GUCY1A2: variants seen among roughly 807,000 people sequenced by gnomAD.
GUCY1A2 encodes the protein guanylate cyclase 1 soluble subunit alpha 2.
GUCY1A2 carries 27 observed loss-of-function variants against 63.5 expected under a neutral mutation model. The ratio of observed to expected loss-of-function variants is 0.43; its 90% confidence interval spans 0.31 to 0.59. GUCY1A2 has a LOEUF of 0.59. Ranked by LOEUF, GUCY1A2 falls within the 20% of genes least tolerant of loss-of-function variation. The pLI, the probability that GUCY1A2 is intolerant of heterozygous loss-of-function variation, is 0.11. For synonymous variants in GUCY1A2, 364 were observed against 343.5 expected (o/e 1.06, Z -0.66); for missense variants, 768 against 913.3 (o/e 0.84, Z 2.05).
At chr11:106,914,621 GAAAT>G (rs1565330133) in intron 4 of GUCY1A2, among the ~76,000 whole-genome samples, 1 of 149,902 alleles carries the variant, frequency 6.7e-6, no homozygotes, top group African/African-American at 2.4e-5. Flanking sequence ...TAATCACAAG[GAAAT>G]AATTACAAGG....
chr11:106,953,161 G>C lies in GUCY1A2; in HGVS notation c.488-12983C>G, dbSNP rs186466522. On this transcript the variant is annotated intron_variant, in intron 3 of 7. Transcript: ENST00000526355. ...GCCCATTCCATATGATATTGGCTGT[G>C]GGTTTGTCATAAATAGCTCTTATTT... Among the ~76,000 whole-genome samples, 97 of 152,230 alleles carry C rather than the reference G, an allele frequency of 6.4e-4. No individual in the cohort carries two copies. The East Asian group carries it at 0.018, about 28-fold the overall frequency.
chr11:107,009,811 C>T (rs967349560), intron 1 of GUCY1A2, among the ~76,000 whole-genome samples: 1 of 152,192 alleles, frequency 6.6e-6, no homozygotes, highest in Non-Finnish European at 1.5e-5. Flanking sequence ...GATCATTCTT[C>T]CCAAAAATCA....
At chr11:106,794,213 C>A (rs7108333) in intron 5 of GUCY1A2, among the ~76,000 whole-genome samples, 48,521 of 151,738 alleles carry the variant, frequency 0.32, 7,948 homozygotes, top group Admixed American at 0.4. Flanking sequence ...ATCTGGAGGA[C>A]ATTAAGCTAA....
At chr11:106,898,790 C>A (rs1325906864) in intron 4 of GUCY1A2, among the ~76,000 whole-genome samples, 3 of 152,126 alleles carry the variant, frequency 2.0e-5, no homozygotes, top group African/African-American at 7.2e-5. Flanking sequence ...TGTCATTATA[C>A]ATTTATCCAA....
intron 5 of GUCY1A2, among the ~76,000 whole-genome samples, chr11:106,792,379 C>A (rs2135413028): frequency 1.1e-5 from 1 of 93,124 alleles, no homozygotes; most frequent in South Asian, 4.3e-4. Context: ...GAGTGAGACT[C>A]CATCTCAAAA....
At chr11:106,945,134 A>C (rs1860809087) in intron 3 of GUCY1A2, among the ~76,000 whole-genome samples, 1 of 151,668 alleles carries the variant, frequency 6.6e-6, no homozygotes, top group African/African-American at 2.4e-5. Flanking sequence ...ACCCCTAAGA[A>C]TATCTGGTTG....
chr11:106,806,302 A>G (rs991931189), intron 5 of GUCY1A2, among the ~76,000 whole-genome samples: 1 of 152,144 alleles, frequency 6.6e-6, no homozygotes, highest in Non-Finnish European at 1.5e-5. Context: ...TGGGGTATAG[A>G]ACTGGAGAAA....
chr11:106,899,420 A>G (rs1231996340), intron 4 of GUCY1A2, among the ~76,000 whole-genome samples: 2 of 152,222 alleles, frequency 1.3e-5, no homozygotes, highest in Admixed American at 6.5e-5. Flanking sequence ...TAGCAGCTCA[A>G]AGCATGCTGT....
At chr11:106,901,960 G>T (rs1388889289) in intron 4 of GUCY1A2, among the ~76,000 whole-genome samples, 1 of 152,046 alleles carries the variant, frequency 6.6e-6, no homozygotes, top group Non-Finnish European at 1.5e-5. Context: ...ATTTATTGCG[G>T]CTTTATTCCA....
At chr11:106,992,518 G>C (rs1033857294) in intron 1 of GUCY1A2, among the ~76,000 whole-genome samples, 1 of 151,734 alleles carries the variant, frequency 6.6e-6, no homozygotes, top group Non-Finnish European at 1.5e-5. Flanking sequence ...TTTTAGTACA[G>C]ACGGGGTTTC....
Position 106,725,152 on chromosome 11 carries a change from C to CTTTTTTTTTTTTTTT in GUCY1A2, c.1837-16501_1837-16487dup, listed in dbSNP as rs773251118. 1.3e-4 allele frequency among the ~76,000 whole-genome samples: 3 copies of CTTTTTTTTTTTTTTT among 22,998 alleles called. 1 individual carries two copies. Among genetic ancestry groups the CTTTTTTTTTTTTTTT allele is most frequent in the African/African-American group, 5.3e-4 (3 of 5,692 alleles). 15.1% of individuals were successfully genotyped at this position (22,998 alleles called of 152,430 possible). A position where few individuals can be genotyped will look rare whatever the true frequency, so the allele number is the denominator to read the frequency against. ...ATGTATCTTCTTATTGACATAAATTCTTTTTTTTTTTTTTTTTTTTTTTTT... is the reference window on the plus strand; with the variant it reads ...ATGTATCTTCTTATTGACATAAATTCTTTTTTTTTTTTTTTTTTTTTTTTTTTTTTTTTTTTTTTT... On this transcript the variant is annotated intron_variant, in intron 6 of 7. Coordinates refer to ENST00000526355, the MANE Select transcript of GUCY1A2 (RefSeq NM_000855.3).
chr11:107,000,096 C>T (rs1861593234), intron 1 of GUCY1A2, among the ~76,000 whole-genome samples: 1 of 152,052 alleles, frequency 6.6e-6, no homozygotes, highest in Non-Finnish European at 1.5e-5. Flanking sequence ...CATTCTCCTT[C>T]AGCAGGAAAG....
At chr11:106,849,375 T>C (rs567101285) in intron 4 of GUCY1A2, among the ~76,000 whole-genome samples, 2 of 150,030 alleles carry the variant, frequency 1.3e-5, no homozygotes, top group Non-Finnish European at 3.0e-5. Context: ...TATAAACATA[T>C]ATATTTAACT....
At chr11:107,003,091 C>G (rs1429392313) in intron 1 of GUCY1A2, among the ~76,000 whole-genome samples, 1 of 152,138 alleles carries the variant, frequency 6.6e-6, no homozygotes, top group East Asian at 1.9e-4. Context: ...ATTTCCAACT[C>G]TAATAAACTT....
At chr11:106,836,956 ATAG>A (rs1859125289) in intron 4 of GUCY1A2, among the ~76,000 whole-genome samples, 2 of 151,918 alleles carry the variant, frequency 1.3e-5, no homozygotes, top group African/African-American at 4.8e-5. Flanking sequence ...TATATATTTT[ATAG>A]TAGTAAATGA....
intron 4 of GUCY1A2, chr11:106,827,898 G>T: frequency 6.7e-7 from 1 of 1,501,894 alleles, no homozygotes; most frequent in Non-Finnish European, 9.3e-7. Flanking sequence ...CATGCTGCCG[G>T]ACTCCCAGTG....
intron 5 of GUCY1A2, among the ~76,000 whole-genome samples, chr11:106,801,105 G>C (rs1858593951): frequency 6.6e-6 from 1 of 152,068 alleles, no homozygotes; most frequent in Non-Finnish European, 1.5e-5. Context: ...GGGAGCCAAA[G>C]AGAATAAGTA....
At chr11:106,863,178 C>T (rs1462721046) in intron 4 of GUCY1A2, among the ~76,000 whole-genome samples, 1 of 152,068 alleles carries the variant, frequency 6.6e-6, no homozygotes, top group Non-Finnish European at 1.5e-5. Context: ...CTTTTGTTGC[C>T]ATTGCTTTTG....
intron 4 of GUCY1A2, among the ~76,000 whole-genome samples, chr11:106,892,409 T>G (rs1295265453): frequency 6.6e-6 from 1 of 152,128 alleles, no homozygotes; most frequent in Non-Finnish European, 1.5e-5. Context: ...TTGTAATAAT[T>G]TCTTGCTTTC....
Sources: allele counts gnomAD v4.1 joint callset (sites outside exome capture counted in the v4.1 genomes callset), GRCh38; gene constraint gnomAD v4.1.1; transcripts MANE v1.5; gene names NCBI Gene and HGNC (gene_info 2026-07-23, HGNC 2026-07-21).